Variants in SLC7A5 observed in about 807,000 individuals in gnomAD.
SLC7A5 encodes large neutral amino acids transporter small subunit 1.
SLC7A5 carries 23 observed loss-of-function variants against 50.2 expected under a neutral mutation model. That is an observed-to-expected ratio of 0.46 (90% confidence interval 0.33 to 0.65). The LOEUF (loss-of-function observed/expected upper bound fraction) is 0.65. Among genes scored for constraint, SLC7A5 ranks in the 30% least tolerant of loss-of-function variants. The pLI is 0.02. For synonymous variants in SLC7A5, 393 were observed against 330.6 expected (o/e 1.19, Z -2.05); for missense variants, 578 against 684.4 (o/e 0.84, Z 1.73).
intron 1 of SLC7A5, chr16:87,854,016 G>A (rs1022016536): frequency 2.6e-5 from 4 of 151,832 alleles, no homozygotes; most frequent in African/African-American, 9.7e-5. Flanking sequence ...CGTGGTGCTG[G>A]GTAATGACGC....
At chr16:87,845,136 TGTAGGCATCTGTCACCACACATG>T (rs1008628534) in intron 2 of SLC7A5, among the ~76,000 whole-genome samples, 13 of 152,210 alleles carry the variant, frequency 8.5e-5, no homozygotes, top group Non-Finnish European at 1.0e-4. Flanking sequence ...AAAGCCAGTC[TGTAGGCATCTGTCACCACACATG>T]AGGGGCCAAC....
At chr16:87,845,551 C>T (rs555661864) in intron 2 of SLC7A5, among the ~76,000 whole-genome samples, 5 of 152,058 alleles carry the variant, frequency 3.3e-5, no homozygotes, top group Admixed American at 6.6e-5. Context: ...ACGGAGTCCA[C>T]GCCCACCCTA....
intron 2 of SLC7A5, among the ~76,000 whole-genome samples, chr16:87,850,516 C>G (rs551633208): frequency 6.6e-6 from 1 of 152,240 alleles, no homozygotes; most frequent in Non-Finnish European, 1.5e-5. Context: ...GTGCATCCGC[C>G]GGGTGCCTGC....
intron 1 of SLC7A5, among the ~76,000 whole-genome samples, chr16:87,866,383 T>A (rs8056548): frequency 6.6e-6 from 1 of 152,012 alleles, no homozygotes; most frequent in Non-Finnish European, 1.5e-5. Flanking sequence ...AGGAGCTCAG[T>A]GGCACCATGC....
intron 2 of SLC7A5, among the ~76,000 whole-genome samples, chr16:87,844,057 A>G (rs2055116501): frequency 6.6e-6 from 1 of 151,940 alleles, no homozygotes. Context: ...CTCCACCCAC[A>G]AGGAGGGGAC....
At chr16:87,855,030 G>C (rs2055297562) in intron 1 of SLC7A5, among the ~76,000 whole-genome samples, 1 of 152,264 alleles carries the variant, frequency 6.6e-6, no homozygotes, top group African/African-American at 2.4e-5. Context: ...CAGCGCCAGG[G>C]CCTTGGCCAG....
chr16:87,843,909 T>C (rs1273943142), intron 2 of SLC7A5, among the ~76,000 whole-genome samples: 3 of 152,138 alleles, frequency 2.0e-5, no homozygotes, highest in South Asian at 2.1e-4. Flanking sequence ...TTCTCTCCCA[T>C]GGACCCTAGA....
rs1036247340 is a variant in SLC7A5, at chr16:87,852,580, A to G, written c.539-731T>C. On this transcript the variant is annotated intron_variant, in intron 1 of 9. Transcript: ENST00000261622. This position sits in a 1 kb window ranked among gnomAD's most constrained non-coding sequence, Gnocchi z 4.5. ...GATGTGGGGTCAGGCACGCTCAGAC[A>G]GGTCTCCAGACACCAGCACGTCCTC... 6.6e-6 allele frequency among the ~76,000 whole-genome samples: 1 copy of G among 151,912 alleles called. No individual in the cohort carries two copies. Among genetic ancestry groups the G allele is most frequent in the Non-Finnish European group, 1.5e-5 (1 of 67,992 alleles).
rs375129275 is a variant in SLC7A5, at chr16:87,836,406, C to T, written c.1290+92G>A. On this transcript the variant is annotated intron_variant, in intron 8 of 9. Coordinates refer to ENST00000261622, the MANE Select transcript of SLC7A5 (RefSeq NM_003486.7). ...GGCAGGGGCAGGTCCAGAGGCTGAGCTGGGATGCTGGCTCCCAACTCAGGG... is the reference window on the plus strand; with the variant it reads ...GGCAGGGGCAGGTCCAGAGGCTGAGTTGGGATGCTGGCTCCCAACTCAGGG... 38 of 1,448,124 alleles carry T rather than the reference C, an allele frequency of 2.6e-5. No homozygotes were observed. In the East Asian group the frequency reaches 5.5e-4, roughly 21 times the overall value. The allele number at this position is 1,448,124 out of a possible 1,614,324, so 89.7% of individuals were successfully genotyped here.
At chr16:87,845,902 C>T (rs1177623212) in intron 2 of SLC7A5, among the ~76,000 whole-genome samples, 2 of 152,218 alleles carry the variant, frequency 1.3e-5, no homozygotes, top group Admixed American at 6.5e-5. Context: ...GCCCCGCTCC[C>T]GTCCTTTGAT....
At chr16:87,844,594 A>G (rs955795592) in intron 2 of SLC7A5, among the ~76,000 whole-genome samples, 8 of 152,224 alleles carry the variant, frequency 5.3e-5, no homozygotes, top group African/African-American at 1.9e-4. Flanking sequence ...CTCCTGACTC[A>G]GAGGACGATG....
intron 4 of SLC7A5, 38 bp downstream of exon 4, chr16:87,840,391 T>G (rs748850796): frequency 3.8e-6 from 6 of 1,565,222 alleles, no homozygotes; most frequent in Non-Finnish European, 5.3e-6. Flanking sequence ...CACATTAAAA[T>G]AATGAAAAAA....
rs1469326932 is a variant in SLC7A5 at position 87,833,018 on chromosome 16, C to G, written c.1476G>C (p.Thr492=). The part of the protein sequence containing the change: ...PKWLLQGIFS[T]TVLCQKLMQV... ...GCATGAGCTTCTGACACAGGACGGT[C>G]GTGGAGACTGTCAGGAGAGAAGACA... The change falls in exon 10 of 10, where the codon ACG becomes ACC. Residue 492 remains threonine, a synonymous_variant. Transcript: ENST00000261622. This position sits in a 1 kb window ranked among gnomAD's most constrained non-coding sequence, Gnocchi z 6.0. The G allele has an allele frequency of 3.1e-6, 5 of 1,613,694 alleles. No homozygotes were observed. In the South Asian group the frequency reaches 4.4e-5, roughly 14 times the overall value.
intron 1 of SLC7A5, among the ~76,000 whole-genome samples, chr16:87,864,221 G>A (rs1054689184): frequency 6.6e-6 from 1 of 151,356 alleles, no homozygotes; most frequent in Non-Finnish European, 1.5e-5. Flanking sequence ...GAACCCAGGA[G>A]GCAGAGGTTG....
intron 8 of SLC7A5, 134 bp downstream of exon 8, chr16:87,836,364 C>T (rs923464632): frequency 1.1e-5 from 11 of 988,472 alleles, no homozygotes; most frequent in African/African-American, 1.6e-5. Context: ...CGGAATTAGT[C>T]GACCCAGGTG....
At chr16:87,868,051 G>C (rs1232052692) in intron 1 of SLC7A5, among the ~76,000 whole-genome samples, 1 of 150,848 alleles carries the variant, frequency 6.6e-6, no homozygotes, top group East Asian at 1.9e-4. Flanking sequence ...TGGGAGGCGG[G>C]CTTGCGGTGA....
At chr16:87,867,219 C>G (rs2055473700) in intron 1 of SLC7A5, among the ~76,000 whole-genome samples, 1 of 152,242 alleles carries the variant, frequency 6.6e-6, no homozygotes. Flanking sequence ...CACACCCAGC[C>G]AACCAGGGGT....
intron 1 of SLC7A5, among the ~76,000 whole-genome samples, chr16:87,863,986 A>AATATATATATATAT (rs58063420): frequency 0.055 from 4,538 of 83,118 alleles, 370 homozygotes; most frequent in East Asian, 0.14. Context: ...ATCATTTAAA[A>AATATATATATATAT]ATATATATAT....
intron 1 of SLC7A5, among the ~76,000 whole-genome samples, chr16:87,854,200 G>A (rs7193392): frequency 0.34 from 51,998 of 151,548 alleles, 9,158 homozygotes; most frequent in Non-Finnish European, 0.39. Flanking sequence ...CCTGACGTTG[G>A]AAATAACCAC....
Sources: gnomAD v4.1 joint callset for allele counts (sites outside exome capture counted in the v4.1 genomes callset) on GRCh38, gnomAD v4.1.1 for gene constraint, Gnocchi (gnomAD v3.1) non-coding constraint, MANE v1.5 for transcripts, NCBI Gene and HGNC (gene_info 2026-07-23, HGNC 2026-07-21) for gene names.